The following FUT9 variants were observed in gnomAD, a reference collection of about 807,000 sequenced individuals.
FUT9 encodes the protein 4-galactosyl-N-acetylglucosaminide 3-alpha-L-fucosyltransferase 9.
Under a neutral mutation model 29.7 loss-of-function variants are expected in FUT9, and 15 were observed. The observed-to-expected ratio is 0.51, with a 90% confidence interval of 0.34 to 0.78. The LOEUF (loss-of-function observed/expected upper bound fraction) is 0.78, where lower values mean the gene tolerates loss of function less well. FUT9 is among the 30% of genes least tolerant of loss of function. The pLI is 0.01. For synonymous variants in FUT9, 169 were observed against 153.7 expected (o/e 1.10, Z -0.74); for missense variants, 319 against 425.4 (o/e 0.75, Z 2.20).
intron 2 of FUT9, among the ~76,000 whole-genome samples, chr6:96,163,588 G>A (rs1306011981): frequency 1.3e-5 from 2 of 152,174 alleles, no homozygotes; most frequent in East Asian, 3.9e-4. Flanking sequence ...GTACCTCACC[G>A]CCGATTTCCT....
intron 1 of FUT9, among the ~76,000 whole-genome samples, chr6:96,064,577 A>T (rs752238309): frequency 1.3e-5 from 2 of 150,268 alleles, no homozygotes; most frequent in African/African-American, 2.4e-5. Context: ...TTTGGCTCCC[A>T]GCACACACAC....
At chr6:96,194,368 C>G (rs1419314700) in intron 2 of FUT9, among the ~76,000 whole-genome samples, 1 of 151,932 alleles carries the variant, frequency 6.6e-6, no homozygotes, top group Non-Finnish European at 1.5e-5. Context: ...GATCTAGTGC[C>G]ATCCTTTGAG....
chr6:96,016,684 G>A (rs1769985750), intron 1 of FUT9, among the ~76,000 whole-genome samples: 1 of 152,152 alleles, frequency 6.6e-6, no homozygotes, highest in South Asian at 2.1e-4. Flanking sequence ...GAGCCCGACT[G>A]TCCCGTCCTA....
At chr6:96,075,686 T>C (rs550357769) in intron 1 of FUT9, among the ~76,000 whole-genome samples, 113 of 152,276 alleles carry the variant, frequency 7.4e-4, no homozygotes, top group African/African-American at 2.5e-3. Flanking sequence ...TTTAAACCTT[T>C]AGATGTTTAA....
intron 1 of FUT9, among the ~76,000 whole-genome samples, chr6:96,024,085 T>C (rs983526020): frequency 6.6e-6 from 1 of 151,892 alleles, no homozygotes. Context: ...ATTCATGAGA[T>C]GATGTTAACT....
chr6:96,040,626 C>CCA (rs1770443389), intron 1 of FUT9, among the ~76,000 whole-genome samples: 1 of 151,988 alleles, frequency 6.6e-6, no homozygotes, highest in African/African-American at 2.4e-5. Context: ...AACCCAGATA[C>CCA]CACAGTTCAA....
intron 1 of FUT9, among the ~76,000 whole-genome samples, chr6:96,034,864 CT>C (rs1446047225): frequency 6.6e-6 from 1 of 151,758 alleles, no homozygotes; most frequent in African/African-American, 2.4e-5. Flanking sequence ...CAACTTTTAA[CT>C]TTGTAAGAAA....
At chr6:96,154,558 G>A (rs1396013268) in intron 2 of FUT9, among the ~76,000 whole-genome samples, 1 of 152,102 alleles carries the variant, frequency 6.6e-6, no homozygotes, top group African/African-American at 2.4e-5. Context: ...GAGTTCAGAG[G>A]TTAGTGGACT....
At position 96,208,854 on chromosome 6, in the gene FUT9, TCTCCTAA is replaced by T. The variant is rs1398507145; in HGVS notation, c.*4622_*4628del. 6.1e-6 allele frequency: 1 copy of T among 164,190 alleles called. No individual in the cohort carries two copies. Among genetic ancestry groups the T allele is most frequent in the Non-Finnish European group, 1.5e-5 (1 of 67,860 alleles). The allele number at this position is 164,190 out of a possible 1,614,324, so 10.2% of individuals were successfully genotyped here. ...ACCACATGGAGAGAAATATAGTCTCTCTCCTAACTTCATTCCATTGTATTGCAATCAG... is the reference window on the plus strand; with the variant it reads ...ACCACATGGAGAGAAATATAGTCTCTCTTCATTCCATTGTATTGCAATCAG... On this transcript the variant is annotated 3_prime_UTR_variant, in exon 3 of 3. Coordinates refer to ENST00000302103, the MANE Select transcript of FUT9 (RefSeq NM_006581.4).
At chr6:96,111,246 C>G (rs1246800879) in intron 1 of FUT9, among the ~76,000 whole-genome samples, 1 of 152,102 alleles carries the variant, frequency 6.6e-6, no homozygotes, top group Non-Finnish European at 1.5e-5. Flanking sequence ...AATTGAGTGT[C>G]TCTTTCCCAC....
intron 2 of FUT9, among the ~76,000 whole-genome samples, chr6:96,190,117 C>T (rs1371592427): frequency 1.3e-5 from 2 of 152,128 alleles, no homozygotes; most frequent in Non-Finnish European, 2.9e-5. Flanking sequence ...GACAAAATCT[C>T]TCAGCATTTG....
chr6:96,084,275 G>A (rs1444766035), intron 1 of FUT9, among the ~76,000 whole-genome samples: 1 of 152,000 alleles, frequency 6.6e-6, no homozygotes, highest in Non-Finnish European at 1.5e-5. Flanking sequence ...TTCCATCAAA[G>A]AGAAGATCTT....
At chr6:96,138,393 C>T (rs766282369) in intron 2 of FUT9, among the ~76,000 whole-genome samples, 9 of 151,360 alleles carry the variant, frequency 5.9e-5, no homozygotes, top group Admixed American at 1.3e-4. Flanking sequence ...TAGATCAGGA[C>T]GCTGACAAAG....
chr6:96,035,457 A>G (rs1770336038), intron 1 of FUT9, among the ~76,000 whole-genome samples: 1 of 150,964 alleles, frequency 6.6e-6, no homozygotes, highest in African/African-American at 2.4e-5. Flanking sequence ...ATTTTCTCTT[A>G]TATCTTATTC....
At position 96,205,130 on chromosome 6, in the gene FUT9, AT is replaced by A. The variant is rs569296521; in HGVS notation, c.*902del. ...ATGTTTAATTATGTATCAATTTAAG[AT>A]TTTTTTCTGAAGCCCTAATATTTAA... On this transcript the variant is annotated 3_prime_UTR_variant, in exon 3 of 3. Transcript: ENST00000302103. 5.4e-3 allele frequency: 901 copies of A among 166,974 alleles called. 5 individuals carry two copies. Among genetic ancestry groups the A allele is most frequent in the South Asian group, 0.029 (138 of 4,816 alleles). 10.3% of individuals were successfully genotyped at this position (166,974 alleles called of 1,614,324 possible). A position where few individuals can be genotyped will look rare whatever the true frequency, so the allele number is the denominator to read the frequency against.
chr6:96,078,099 A>T (rs570466037), intron 1 of FUT9, among the ~76,000 whole-genome samples: 1 of 152,232 alleles, frequency 6.6e-6, no homozygotes, highest in South Asian at 2.1e-4. Flanking sequence ...ATGCATATGA[A>T]TGAGATGTTG....
At chr6:96,156,834 G>A (rs746657336) in intron 2 of FUT9, among the ~76,000 whole-genome samples, 1 of 152,070 alleles carries the variant, frequency 6.6e-6, no homozygotes, top group Admixed American at 6.6e-5. Context: ...GTTCTTACAA[G>A]GTATAAATGA....
intron 2 of FUT9, among the ~76,000 whole-genome samples, chr6:96,185,921 A>G (rs1773397839): frequency 6.6e-6 from 1 of 152,110 alleles, no homozygotes; most frequent in Admixed American, 6.6e-5. Flanking sequence ...AAAGAAATGG[A>G]GCCAAAAAAT....
intron 1 of FUT9, among the ~76,000 whole-genome samples, chr6:96,032,514 A>C (rs1770281604): frequency 2.6e-5 from 4 of 151,674 alleles, no homozygotes; most frequent in Admixed American, 2.6e-4. Flanking sequence ...TATACTACAT[A>C]TTAAATATCT....
Sources: gnomAD v4.1 joint callset for allele counts (sites outside exome capture counted in the v4.1 genomes callset) on GRCh38, gnomAD v4.1.1 for gene constraint, MANE v1.5 for transcripts, NCBI Gene and HGNC (gene_info 2026-07-23, HGNC 2026-07-21) for gene names.